The following SLC25A21 variants were observed in gnomAD, a reference collection of about 807,000 sequenced individuals.
SLC25A21 encodes solute carrier family 25 member 21.
A neutral mutation model predicts 43.8 loss-of-function variants in SLC25A21; 47 were observed. The observed-to-expected ratio is 1.07, with a 90% CI of 0.85 to 1.37. SLC25A21 has a LOEUF of 1.37. SLC25A21 is among the 40% of genes most tolerant of loss of function. The pLI is 0.00. For synonymous variants in SLC25A21, 131 were observed against 121.3 expected, an observed-to-expected ratio of 1.08 and a Z score of -0.52; for missense variants, 352 against 350.2, an observed-to-expected ratio of 1.00 and a Z score of -0.04.
chr14:36,944,198 C>T (rs1025783743), intron 1 of SLC25A21, among the ~76,000 whole-genome samples: 2 of 152,082 alleles, frequency 1.3e-5, no homozygotes, highest in East Asian at 1.9e-4. Flanking sequence ...TGAATCCTGT[C>T]GACACCTGGG....
intron 2 of SLC25A21, among the ~76,000 whole-genome samples, chr14:36,841,708 C>T (rs945210130): frequency 1.3e-5 from 2 of 152,120 alleles, no homozygotes; most frequent in Non-Finnish European, 2.9e-5. Context: ...CAAGAACGTA[C>T]GGTGGTTCCC....
intron 1 of SLC25A21, among the ~76,000 whole-genome samples, chr14:36,942,746 A>C (rs1892595507): frequency 1.3e-5 from 2 of 152,182 alleles, no homozygotes; most frequent in African/African-American, 4.8e-5. Context: ...CCATCAAGCA[A>C]AGAATTTTGA....
intron 2 of SLC25A21, among the ~76,000 whole-genome samples, chr14:36,823,741 TTG>T (rs1331483037): frequency 6.6e-6 from 1 of 152,156 alleles, no homozygotes; most frequent in East Asian, 1.9e-4. Flanking sequence ...TTTTAAAAAT[TTG>T]ACGCCCCAAC....
At chr14:36,894,115 A>G (rs373610235) in intron 1 of SLC25A21, among the ~76,000 whole-genome samples, 1 of 152,180 alleles carries the variant, frequency 6.6e-6, no homozygotes, top group Non-Finnish European at 1.5e-5. Flanking sequence ...CATTGAATCT[A>G]TAAATTACCT....
intron 3 of SLC25A21, among the ~76,000 whole-genome samples, chr14:36,743,085 G>C (rs1442986530): frequency 6.6e-6 from 1 of 152,138 alleles, no homozygotes; most frequent in Admixed American, 6.5e-5. Flanking sequence ...TGGAAAGTTG[G>C]CAGAGTGCTC....
intron 1 of SLC25A21, among the ~76,000 whole-genome samples, chr14:37,011,009 C>A (rs943100421): frequency 6.6e-6 from 1 of 152,210 alleles, no homozygotes; most frequent in Non-Finnish European, 1.5e-5. Context: ...GCCTCAGCCT[C>A]CTGAGTAGCT....
chr14:36,731,848 G>C (rs922781875), intron 4 of SLC25A21, among the ~76,000 whole-genome samples: 6 of 152,148 alleles, frequency 3.9e-5, no homozygotes, highest in East Asian at 1.9e-4. Context: ...TGGCTGCCCT[G>C]CTCTCCCCTG....
chr14:36,940,517 G>T (rs1425307707), intron 1 of SLC25A21, among the ~76,000 whole-genome samples: 1 of 152,016 alleles, frequency 6.6e-6, no homozygotes, highest in Non-Finnish European at 1.5e-5. Flanking sequence ...GTGATGTGTT[G>T]CCAGGATGTT....
intron 3 of SLC25A21, among the ~76,000 whole-genome samples, chr14:36,795,814 T>C (rs1178957691): frequency 6.6e-6 from 1 of 152,154 alleles, no homozygotes; most frequent in African/African-American, 2.4e-5. Context: ...TAGTACGAAT[T>C]GGAGAACCAT....
intron 1 of SLC25A21, among the ~76,000 whole-genome samples, chr14:36,904,923 C>A (rs1345844215): frequency 1.3e-5 from 2 of 152,084 alleles, no homozygotes; most frequent in Non-Finnish European, 2.9e-5. Context: ...GAAGGGCCCC[C>A]AAATTATGAG....
intron 1 of SLC25A21, among the ~76,000 whole-genome samples, chr14:37,163,057 C>T (rs987609747): frequency 1.1e-4 from 16 of 149,544 alleles, no homozygotes; most frequent in East Asian, 5.8e-4. Flanking sequence ...AACCAAACAC[C>T]GCATATTCTC....
At chr14:37,104,066 C>T (rs1962867316) in intron 1 of SLC25A21, among the ~76,000 whole-genome samples, 1 of 152,142 alleles carries the variant, frequency 6.6e-6, no homozygotes, top group Non-Finnish European at 1.5e-5. Context: ...CAGATAAATG[C>T]CATATGACAA....
chr14:36,780,151 CTT>C (rs1190023521), intron 3 of SLC25A21, among the ~76,000 whole-genome samples: 4 of 151,794 alleles, frequency 2.6e-5, no homozygotes, highest in Non-Finnish European at 2.9e-5. Flanking sequence ...ATAGTAGTCT[CTT>C]ATGATTCTTT....
intron 3 of SLC25A21, among the ~76,000 whole-genome samples, chr14:36,750,534 G>A (rs1885667246): frequency 6.6e-6 from 1 of 152,140 alleles, no homozygotes; most frequent in Non-Finnish European, 1.5e-5. Context: ...TATGAGACAT[G>A]AGCAGATGAC....
At chr14:36,951,069 T>C (rs1328074445) in intron 1 of SLC25A21, among the ~76,000 whole-genome samples, 2 of 152,072 alleles carry the variant, frequency 1.3e-5, no homozygotes, top group East Asian at 1.9e-4. Context: ...CAAAGCAACC[T>C]GAAGTCAACC....
At chr14:36,782,205 A>G (rs1887088657) in intron 3 of SLC25A21, among the ~76,000 whole-genome samples, 1 of 152,346 alleles carries the variant, frequency 6.6e-6, no homozygotes, top group African/African-American at 2.4e-5. Flanking sequence ...GTGTGCTGGT[A>G]AAGTCCTCTT....
At chr14:36,893,718 G>A (rs1265523214) in intron 1 of SLC25A21, among the ~76,000 whole-genome samples, 4 of 152,092 alleles carry the variant, frequency 2.6e-5, no homozygotes, top group Admixed American at 6.6e-5. Flanking sequence ...ATTAATTTTT[G>A]TATAAGGTGT....
At chr14:36,688,423 A>T (rs1421647483) in intron 7 of SLC25A21, among the ~76,000 whole-genome samples, 3 of 152,210 alleles carry the variant, frequency 2.0e-5, no homozygotes, top group Non-Finnish European at 2.9e-5. Context: ...CCTGTTTTGC[A>T]GAGTACACTG....
At chr14:37,135,140 C>T (rs1032992831) in intron 1 of SLC25A21, among the ~76,000 whole-genome samples, 2 of 152,158 alleles carry the variant, frequency 1.3e-5, no homozygotes, top group African/African-American at 4.8e-5. Flanking sequence ...GTTGACCAGG[C>T]TGATCTCGAA....
Sources: allele counts gnomAD v4.1 joint callset (sites outside exome capture counted in the v4.1 genomes callset), GRCh38; gene constraint gnomAD v4.1.1; transcripts MANE v1.5; gene names NCBI Gene and HGNC (gene_info 2026-07-23, HGNC 2026-07-21).